PIAS1: variants seen among roughly 807,000 people sequenced by gnomAD.
The protein encoded by PIAS1 is protein inhibitor of activated STAT 1.
Under a neutral mutation model 71.3 loss-of-function variants are expected in PIAS1, and 6 were observed. The observed-to-expected ratio is 0.08, with a 90% CI of 0.05 to 0.17. The LOEUF is 0.17. Among genes scored for constraint, PIAS1 ranks in the 10% least tolerant of loss-of-function variants. The pLI is 1.00. For synonymous variants in PIAS1, 303 were observed against 292.9 expected, an observed-to-expected ratio of 1.03 and a Z score of -0.35; for missense variants, 555 against 793.6, an observed-to-expected ratio of 0.70 and a Z score of 3.61.
At position 68,139,821 on chromosome 15, in the gene PIAS1, A is replaced by G; in HGVS notation, c.470-2125A>G. Reference sequence around the variant, plus strand: ...TGTGGATTGTCTTTTGTACCCATGGAAATGTATACCCCCAACATTGGAGGT... The same window carrying G: ...TGTGGATTGTCTTTTGTACCCATGGGAATGTATACCCCCAACATTGGAGGT... On this transcript the variant is annotated intron_variant, in intron 2 of 13. Transcript: ENST00000249636. Among the ~76,000 whole-genome samples the G allele has an allele frequency of 1.3e-5, 2 of 152,156 alleles. 1 individual carries two copies. The highest frequency in any genetic ancestry group is 2.9e-5 in the Non-Finnish European group (2 of 68,024).
intron 2 of PIAS1, among the ~76,000 whole-genome samples, chr15:68,121,382 T>C (rs2092612309): frequency 6.6e-6 from 1 of 152,020 alleles, no homozygotes; most frequent in Non-Finnish European, 1.5e-5. Context: ...TATATTTCCT[T>C]TGTCTTTTTT....
In PIAS1 at chr15:68,173,040, A is replaced by C. The variant is rs534296260; in HGVS notation, c.1009-692A>C. On this transcript the variant is annotated intron_variant, in intron 8 of 13. Transcript: ENST00000249636. This position sits in a 1 kb window ranked among gnomAD's most constrained non-coding sequence, Gnocchi z 4.3. Reference sequence around the variant, plus strand: ...CATGGGGAATGATCACTATTGATTCAGTTTTGTCCTGTGAACTACTTTCAT... The same window carrying C: ...CATGGGGAATGATCACTATTGATTCCGTTTTGTCCTGTGAACTACTTTCAT... Among the ~76,000 whole-genome samples the C allele has an allele frequency of 2.6e-5, 4 of 152,342 alleles. 1 individual carries two copies. In the South Asian group the frequency reaches 8.3e-4, roughly 32 times the overall value.
chr15:68,083,114 A>G (rs1357678791), intron 1 of PIAS1, among the ~76,000 whole-genome samples: 4 of 139,450 alleles, frequency 2.9e-5, no homozygotes, highest in African/African-American at 1.1e-4. Context: ...GTAGTGGTTG[A>G]TGCAATCCTT....
intron 11 of PIAS1, among the ~76,000 whole-genome samples, chr15:68,177,734 CA>C (rs1055981621): frequency 1.3e-5 from 2 of 152,202 alleles, no homozygotes; most frequent in South Asian, 2.1e-4. Flanking sequence ...ACTATACTCT[CA>C]AAACAGGCTG....
At chr15:68,111,786 G>T in intron 2 of PIAS1, among the ~76,000 whole-genome samples, 1 of 152,070 alleles carries the variant, frequency 6.6e-6, no homozygotes, top group East Asian at 1.9e-4. Flanking sequence ...ACGGGAAAAT[G>T]AATAAACTAA....
intron 7 of PIAS1, among the ~76,000 whole-genome samples, chr15:68,158,038 C>T (rs1595775877): frequency 6.6e-6 from 1 of 152,270 alleles, no homozygotes; most frequent in East Asian, 1.9e-4. Flanking sequence ...TTTCTATCTC[C>T]TCTGGTAGCC....
Position 68,168,907 on chromosome 15 carries a change from A to G in PIAS1, c.1008+4103A>G, listed in dbSNP as rs369288341. 8.5e-5 allele frequency among the ~76,000 whole-genome samples: 13 copies of G among 152,358 alleles called. No homozygotes were observed. The East Asian group carries it at 9.6e-4, about 11-fold the overall frequency. ...AGAGTTGCTCTCTTGCCTAAAAGAT[A>G]TGAACTGACAGCTGGAGATCATGGG... On this transcript the variant is annotated intron_variant, in intron 8 of 13. Coordinates refer to ENST00000249636, the MANE Select transcript of PIAS1 (RefSeq NM_016166.3).
At chr15:68,180,187 A>AC (rs1366203672) in intron 11 of PIAS1, among the ~76,000 whole-genome samples, 1 of 151,834 alleles carries the variant, frequency 6.6e-6, no homozygotes, top group East Asian at 1.9e-4. Context: ...TGCAGCCTCG[A>AC]CCCCCCAGGC....
intron 7 of PIAS1, among the ~76,000 whole-genome samples, chr15:68,156,509 C>T (rs1300064722): frequency 6.6e-6 from 1 of 151,524 alleles, no homozygotes; most frequent in East Asian, 1.9e-4. Flanking sequence ...GGAGTTCAGA[C>T]CAGCCTGACC....
chr15:68,092,256 C>G (rs1044537636), intron 2 of PIAS1, among the ~76,000 whole-genome samples: 1 of 152,046 alleles, frequency 6.6e-6, no homozygotes, highest in African/African-American at 2.4e-5. Context: ...TCACTGCAAC[C>G]TCCGCTTCCT....
intron 1 of PIAS1, among the ~76,000 whole-genome samples, chr15:68,077,464 A>G (rs2092179796): frequency 6.6e-6 from 1 of 152,238 alleles, no homozygotes; most frequent in African/African-American, 2.4e-5. Context: ...TTGGTATACC[A>G]AGAGGACGAA....
intron 7 of PIAS1, among the ~76,000 whole-genome samples, chr15:68,158,339 G>A (rs1406022539): frequency 1.3e-5 from 2 of 151,978 alleles, no homozygotes; most frequent in Non-Finnish European, 2.9e-5. Context: ...TTTCTTCAGT[G>A]CTTTAGTTTT....
chr15:68,055,914 G>A (rs978564604), intron 1 of PIAS1: 1 of 701,112 alleles, frequency 1.4e-6, no homozygotes, highest in Non-Finnish European at 2.6e-6. Flanking sequence ...GTATGTTAAG[G>A]TATTGGCTTT....
chr15:68,155,608 A>T (rs1314041861), intron 7 of PIAS1, among the ~76,000 whole-genome samples: 1 of 152,172 alleles, frequency 6.6e-6, no homozygotes, highest in Non-Finnish European at 1.5e-5. Flanking sequence ...TAAAATAAGT[A>T]CTTCTAGCAA....
chr15:68,148,652 C>T (rs1041787464), intron 6 of PIAS1, among the ~76,000 whole-genome samples: 5 of 152,208 alleles, frequency 3.3e-5, no homozygotes, highest in African/African-American at 1.2e-4. Context: ...TGGTCTTGAA[C>T]TCCTGACCTT....
rs375019692 is a variant in PIAS1, at chr15:68,142,327, G to A, written c.592G>A (p.Val198Ile). 19 of 1,602,444 alleles carry A rather than the reference G, an allele frequency of 1.2e-5. No homozygotes were observed. In the African/African-American group the frequency reaches 2.3e-4, roughly 19 times the overall value. ...SGTKCDFTVQVQLRFCLSETS... is the reference protein window; with the variant it reads ...SGTKCDFTVQIQLRFCLSETS... ...GACCAAATGTGACTTCACAGTACAG[G>A]TCCAGTTAAGGTACAGTGCTGACTA... Residue 198 changes from valine (V) to isoleucine (I), a missense_variant, in exon 4 of 14, where the codon GTC becomes ATC. Val to Ile is a conservative substitution (Grantham distance 29). Transcript: ENST00000249636.
intron 12 of PIAS1, chr15:68,181,985 TA>T (rs1380644248): frequency 6.6e-6 from 1 of 152,284 alleles, no homozygotes; most frequent in Non-Finnish European, 1.5e-5. Context: ...GAACATTATT[TA>T]TTGTACCCTG....
chr15:68,080,507 G>T (rs570192074), intron 1 of PIAS1, among the ~76,000 whole-genome samples: 1 of 152,196 alleles, frequency 6.6e-6, no homozygotes, highest in African/African-American at 2.4e-5. Context: ...TAACCAACCT[G>T]ATTTGCTGCT....
intron 1 of PIAS1, among the ~76,000 whole-genome samples, chr15:68,060,840 C>T (rs1597112273): frequency 1.3e-5 from 2 of 152,166 alleles, no homozygotes; most frequent in Admixed American, 6.5e-5. Flanking sequence ...TGCGCCACTG[C>T]GCCCAGCTAA....
Sources: allele counts gnomAD v4.1 joint callset (sites outside exome capture counted in the v4.1 genomes callset), GRCh38; gene constraint gnomAD v4.1.1; non-coding constraint Gnocchi (gnomAD v3.1); transcripts MANE v1.5; gene names NCBI Gene and HGNC (gene_info 2026-07-23, HGNC 2026-07-21).